C11orf65: variants seen among roughly 807,000 people sequenced by gnomAD.
C11orf65 encodes the protein protein MFI.
A neutral mutation model predicts 35.3 loss-of-function variants in C11orf65; 38 were observed. That is an observed-to-expected ratio of 1.08 (90% CI 0.83 to 1.41). The LOEUF is 1.41. Among genes scored for constraint, C11orf65 ranks in the 40% most tolerant of loss-of-function variants. The probability of loss-of-function intolerance (pLI) is 0.00; values close to 1 mark genes in which losing one functional copy is unlikely to be tolerated. For synonymous variants in C11orf65, 105 were observed against 114.4 expected (o/e 0.92, Z 0.53); for missense variants, 370 against 367.1 (o/e 1.01, Z -0.06).
In C11orf65 at chr11:108,450,630, G is replaced by A. The variant is rs561290819; in HGVS notation, c.81+10849C>T. Among the ~76,000 whole-genome samples, 10 of 105,902 alleles carry A rather than the reference G, an allele frequency of 9.4e-5. No individual in the cohort carries two copies. The South Asian group carries it at 3.0e-3, about 32-fold the overall frequency. 69.5% of individuals were successfully genotyped at this position (105,902 alleles called of 152,430 possible). A position where few individuals can be genotyped will look rare whatever the true frequency, so the allele number is the denominator to read the frequency against. ...CACACTCCAGGGACTGTTGTGGGGT[G>A]GGGGGAGGGGGGAGGGATAGCATTA... On this transcript the variant is annotated intron_variant, in intron 2 of 8. Transcript: ENST00000393084.
intron 2 of C11orf65, among the ~76,000 whole-genome samples, chr11:108,346,743 A>T (rs1349179489): frequency 6.6e-6 from 1 of 152,048 alleles, no homozygotes; most frequent in Admixed American, 6.6e-5. Flanking sequence ...ATGCCATGTG[A>T]TTTCTCCCAT....
chr11:108,391,498 G>A (rs981196781), intron 7 of C11orf65, among the ~76,000 whole-genome samples: 4 of 152,116 alleles, frequency 2.6e-5, no homozygotes, highest in Admixed American at 6.6e-5. Context: ...TCCTGCCTCA[G>A]CCTCCTGATA....
downstream of C11orf65, among the ~76,000 whole-genome samples, chr11:108,328,408 G>T: frequency 6.6e-6 from 1 of 151,916 alleles, no homozygotes; most frequent in South Asian, 2.1e-4. Context: ...CACCACACCC[G>T]GCTAATATTT....
At chr11:108,450,227 A>C (rs1019025216) in intron 2 of C11orf65, among the ~76,000 whole-genome samples, 1 of 151,994 alleles carries the variant, frequency 6.6e-6, no homozygotes, top group Non-Finnish European at 1.5e-5. Flanking sequence ...CAGCACGGCA[A>C]TTCCTCAGGG....
chr11:108,393,329 C>T lies in C11orf65; in HGVS notation c.610G>A (p.Gly204Arg). Reference protein sequence around the residue: ...EAKSTHHETLGLIHTATKGLI... With the variant: ...EAKSTHHETLRLIHTATKGLI... The stretch of plus-strand genomic sequence containing the variant: ...CCCTTTGTTGCAGTGTGAATTAGTC[C>T]TAGAGTTTCATGATGTGTTGACTTA... The change falls in exon 7 of 9, where the codon GGA becomes AGA. Residue 204 changes from glycine (G) to arginine (R), a missense_variant. By Grantham distance (125) the Gly-to-Arg change is moderately radical. Transcript: ENST00000393084. The T allele has an allele frequency of 6.2e-7, 1 of 1,614,012 alleles. No individual in the cohort carries two copies. The highest frequency in any genetic ancestry group is 8.5e-7 in the Non-Finnish European group (1 of 1,179,970).
intron 2 of C11orf65, among the ~76,000 whole-genome samples, chr11:108,458,319 G>A (rs1185410617): frequency 7.4e-6 from 1 of 134,852 alleles, no homozygotes. Context: ...TTACACCACT[G>A]CATTGCAGCC....
chr11:108,464,054 G>A (rs1334376237), intron 1 of C11orf65, among the ~76,000 whole-genome samples: 1 of 150,980 alleles, frequency 6.6e-6, no homozygotes, highest in Non-Finnish European at 1.5e-5. Context: ...AGCCTCCTGA[G>A]TAGCTGGGAT....
At chr11:108,314,647 C>T (rs1019816746) in intron 6 of C11orf65, among the ~76,000 whole-genome samples, 2 of 152,014 alleles carry the variant, frequency 1.3e-5, no homozygotes, top group African/African-American at 2.4e-5. Context: ...GAGGTGCTAA[C>T]CCCCTGTGCT....
At position 108,317,410 on chromosome 11, in the gene C11orf65, T is replaced by C. The variant is rs779082836; in HGVS notation, c.641-8339A>G. The C allele has an allele frequency of 1.9e-6, 3 of 1,612,504 alleles. No individual in the cohort carries two copies. In the South Asian group the frequency reaches 3.3e-5, roughly 18 times the overall value. On this transcript the variant is annotated intron_variant, in intron 6 of 6. Coordinates refer to the C11orf65 transcript ENST00000525729. ...TTGGGACTCTGCCATATTCTTTCCG[T>C]CTATTTAAAAGGATTGGATTATGAA... is the stretch of plus-strand genomic sequence containing the variant.
At chr11:108,383,551 C>T (rs1364789989) in intron 8 of C11orf65, among the ~76,000 whole-genome samples, 2 of 152,210 alleles carry the variant, frequency 1.3e-5, no homozygotes, top group Admixed American at 6.5e-5. Flanking sequence ...GAACTTAGAG[C>T]ATCTGGTATT....
chr11:108,335,500 A>G (rs569056127), intron 2 of C11orf65, among the ~76,000 whole-genome samples: 1 of 152,236 alleles, frequency 6.6e-6, no homozygotes, highest in Admixed American at 6.5e-5. Context: ...AAAAAGGGAG[A>G]GCATTCTTCC....
intron 1 of C11orf65, among the ~76,000 whole-genome samples, chr11:108,466,491 T>G (rs962583260): frequency 1.3e-5 from 2 of 152,152 alleles, no homozygotes; most frequent in Non-Finnish European, 2.9e-5. Context: ...GGAGAATAAC[T>G]TGAACCCAGG....
intron 1 of C11orf65, among the ~76,000 whole-genome samples, chr11:108,463,926 T>TA (rs1339792209): frequency 8.3e-6 from 1 of 119,948 alleles, no homozygotes. Flanking sequence ...ATTTGTTAAT[T>TA]TTTTTTTTTT....
chr11:108,402,406 CAG>C (rs1159006231), intron 6 of C11orf65, among the ~76,000 whole-genome samples: 4 of 152,120 alleles, frequency 2.6e-5, no homozygotes, highest in Non-Finnish European at 4.4e-5. Flanking sequence ...AAAGACCTGG[CAG>C]AGTTAAGCAT....
intron 2 of C11orf65, among the ~76,000 whole-genome samples, chr11:108,354,565 C>T (rs1424855904): frequency 6.6e-6 from 1 of 152,154 alleles, no homozygotes; most frequent in African/African-American, 2.4e-5. Context: ...TGGTGCATGC[C>T]TGTAATCAAT....
chr11:108,395,702 G>A (rs1300509390), intron 6 of C11orf65, among the ~76,000 whole-genome samples: 1 of 135,092 alleles, frequency 7.4e-6, no homozygotes, highest in Non-Finnish European at 1.6e-5. Flanking sequence ...CTCACTGCAA[G>A]CTCCGCCTCC....
At chr11:108,401,226 G>A (rs1030355216) in intron 6 of C11orf65, among the ~76,000 whole-genome samples, 8 of 151,838 alleles carry the variant, frequency 5.3e-5, no homozygotes, top group African/African-American at 7.3e-5. Flanking sequence ...ATGGCTAGAC[G>A]GTGGTTTAGT....
intron 2 of C11orf65, among the ~76,000 whole-genome samples, chr11:108,455,309 T>G (rs2093398532): frequency 6.6e-6 from 1 of 152,226 alleles, no homozygotes; most frequent in African/African-American, 2.4e-5. Flanking sequence ...AAATTGTCTC[T>G]GTTTCCAGAT....
chr11:108,444,550 A>T (rs959105400), intron 2 of C11orf65, among the ~76,000 whole-genome samples: 1 of 152,184 alleles, frequency 6.6e-6, no homozygotes, highest in African/African-American at 2.4e-5. Flanking sequence ...CCTGATGAAC[A>T]TCGATGCAAA....
Sources: allele counts gnomAD v4.1 joint callset (sites outside exome capture counted in the v4.1 genomes callset), GRCh38; gene constraint gnomAD v4.1.1; transcripts MANE v1.5; gene names NCBI Gene and HGNC (gene_info 2026-07-23, HGNC 2026-07-21).